The following CUBN variants were observed in gnomAD, a reference collection of about 807,000 sequenced individuals.
The protein encoded by CUBN is 460 kDa receptor.
In CUBN, 282 loss-of-function variants were observed where a neutral mutation model predicts 405.3. The ratio of observed to expected loss-of-function variants is 0.70; its 90% CI spans 0.63 to 0.77. The LOEUF (loss-of-function observed/expected upper bound fraction) is 0.77. Ranked by LOEUF, CUBN falls within the 30% of genes least tolerant of loss-of-function variation. The pLI is 0.00. For missense variants in CUBN, 4,514 were observed against 4,475.2 expected (o/e 1.01, Z -0.25); for synonymous variants, 1,684 against 1,617.0 (o/e 1.04, Z -0.99).
At chr10:17,070,950 G>T (rs997793486) in intron 19 of CUBN, among the ~76,000 whole-genome samples, 1 of 152,158 alleles carries the variant, frequency 6.6e-6, no homozygotes, top group Non-Finnish European at 1.5e-5. Context: ...GACCATAGGG[G>T]CAAAGCATTT....
At chr10:16,862,695 G>T (rs892289694) in intron 59 of CUBN, among the ~76,000 whole-genome samples, 1 of 152,184 alleles carries the variant, frequency 6.6e-6, no homozygotes, top group African/African-American at 2.4e-5. Flanking sequence ...TCCTGGGAAT[G>T]CTATAACAAA....
chr10:16,976,911 G>A (rs1833115821), intron 31 of CUBN, among the ~76,000 whole-genome samples: 1 of 152,004 alleles, frequency 6.6e-6, no homozygotes, highest in Non-Finnish European at 1.5e-5. Context: ...ATTTGTAGTT[G>A]GGTCTTCTTC....
At chr10:16,883,484 C>CA (rs1416773449) in intron 56 of CUBN, among the ~76,000 whole-genome samples, 1 of 151,830 alleles carries the variant, frequency 6.6e-6, no homozygotes, top group African/African-American at 2.4e-5. Context: ...ACTGAGAAAG[C>CA]AAAGAGAAGA....
intron 11 of CUBN, among the ~76,000 whole-genome samples, chr10:17,105,067 T>C (rs994985300): frequency 3.3e-5 from 5 of 151,870 alleles, no homozygotes; most frequent in African/African-American, 1.2e-4. Flanking sequence ...TCCCAAAGTG[T>C]TGGGATTACA....
intron 14 of CUBN, among the ~76,000 whole-genome samples, chr10:17,094,474 G>A (rs1180516441): frequency 6.6e-6 from 1 of 151,976 alleles, no homozygotes; most frequent in African/African-American, 2.4e-5. Flanking sequence ...GTTTGCAAAT[G>A]GCATGATCTT....
In CUBN at chr10:16,878,544, T is replaced by C. The variant is rs979908485; in HGVS notation, c.8906-1447A>G. The stretch of plus-strand genomic sequence containing the variant: ...TTCATCAGAATAAGTTTTCAGAAGT[T>C]AGATACTGGCACTAAGGTAAGACTA... On this transcript the variant is annotated intron_variant, in intron 56 of 66. Coordinates refer to ENST00000377833, the MANE Select transcript of CUBN (RefSeq NM_001081.4). Among the ~76,000 whole-genome samples the C allele has an allele frequency of 1.3e-5, 2 of 152,192 alleles. 1 individual carries two copies. The highest frequency in any genetic ancestry group is 3.9e-4 in the East Asian group (2 of 5,190).
chr10:17,087,939 G>A (rs1406894167), intron 15 of CUBN, among the ~76,000 whole-genome samples: 1 of 152,126 alleles, frequency 6.6e-6, no homozygotes, highest in Non-Finnish European at 1.5e-5. Flanking sequence ...CACCATAGCA[G>A]GGCAAGGTAA....
intron 3 of CUBN, 29 bp downstream of exon 3, chr10:17,127,800 G>T: frequency 1.3e-6 from 2 of 1,513,218 alleles, no homozygotes; most frequent in South Asian, 1.1e-5. Context: ...AGAACTCATC[G>T]GTTCTTATGA....
chr10:17,120,034 A>C (rs1475716139), intron 6 of CUBN, among the ~76,000 whole-genome samples: 2 of 152,186 alleles, frequency 1.3e-5, no homozygotes, highest in Non-Finnish European at 2.9e-5. Context: ...TGAGGTCCAA[A>C]CTCCAAAGCG....
At chr10:16,968,971 T>A (rs1843476409) in intron 31 of CUBN, among the ~76,000 whole-genome samples, 2 of 152,326 alleles carry the variant, frequency 1.3e-5, no homozygotes, top group African/African-American at 4.8e-5. Flanking sequence ...TGCCTGCAAG[T>A]CCAGCTTCCT....
chr10:17,087,472 C>CTTTGTTTTTTTTTTTTTTTTTTT (rs1202786680), intron 15 of CUBN, among the ~76,000 whole-genome samples: 2 of 71,732 alleles, frequency 2.8e-5, no homozygotes, highest in African/African-American at 9.5e-5. Flanking sequence ...TTTTCTTTTT[C>CTTTGTTTTTTTTTTTTTTTTTTT]TTTTTTTTTT....
chr10:16,996,554 A>G (rs1295016113), intron 28 of CUBN, among the ~76,000 whole-genome samples: 3 of 152,230 alleles, frequency 2.0e-5, no homozygotes, highest in African/African-American at 7.2e-5. Context: ...GAGTTATAAA[A>G]TTCCAGTACT....
At chr10:16,880,498 C>T (rs971708163) in intron 56 of CUBN, among the ~76,000 whole-genome samples, 19 of 152,316 alleles carry the variant, frequency 1.2e-4, no homozygotes, top group Admixed American at 7.8e-4. Flanking sequence ...GCAAAAAGAG[C>T]GGGGAAGAGA....
intron 29 of CUBN, among the ~76,000 whole-genome samples, chr10:16,986,342 G>A (rs1413459876): frequency 6.6e-6 from 1 of 151,310 alleles, no homozygotes; most frequent in Non-Finnish European, 1.5e-5. Context: ...CCACCCTCAG[G>A]ACCCACTGCT....
At chr10:16,840,763 T>C (rs1839323177) in intron 61 of CUBN, 122 bp downstream of exon 61, 2 of 920,880 alleles carry the variant, frequency 2.2e-6, no homozygotes, top group Admixed American at 1.9e-5. Context: ...TGAGTTTAGA[T>C]AGTAATTGAC....
chr10:16,894,200 T>A (rs1841114815), intron 54 of CUBN, among the ~76,000 whole-genome samples: 1 of 152,182 alleles, frequency 6.6e-6, no homozygotes, highest in South Asian at 2.1e-4. Context: ...GGCATAAGAT[T>A]TTTAATTTAA....
At chr10:17,099,194 A>G (rs1836441652) in intron 14 of CUBN, among the ~76,000 whole-genome samples, 1 of 152,208 alleles carries the variant, frequency 6.6e-6, no homozygotes, top group South Asian at 2.1e-4. Flanking sequence ...AAATGCTGAA[A>G]TTGATCCACA....
At chr10:17,059,168 T>A (rs1835454054) in intron 22 of CUBN, among the ~76,000 whole-genome samples, 2 of 152,108 alleles carry the variant, frequency 1.3e-5, no homozygotes, top group South Asian at 4.2e-4. Flanking sequence ...ATGCCTTCTG[T>A]GGACCATTAC....
At chr10:16,906,174 G>A in intron 50 of CUBN, 29 bp downstream of exon 50, 5 of 1,466,038 alleles carry the variant, frequency 3.4e-6, no homozygotes, top group Non-Finnish European at 4.8e-6. Context: ...GTAGATAAAT[G>A]GGAAAACGCA....
Sources: gnomAD v4.1 joint callset for allele counts (sites outside exome capture counted in the v4.1 genomes callset) on GRCh38, gnomAD v4.1.1 for gene constraint, MANE v1.5 for transcripts, NCBI Gene and HGNC (gene_info 2026-07-23, HGNC 2026-07-21) for gene names.